Variants in EPHA6 observed in about 807,000 individuals in gnomAD.
The protein encoded by EPHA6 is EPH receptor A6, also known as ephrin type-A receptor 6.
EPHA6 carries 50 observed loss-of-function variants against 112.0 expected under a neutral mutation model. That is an observed-to-expected ratio of 0.45 (90% CI 0.36 to 0.56). The LOEUF (loss-of-function observed/expected upper bound fraction) is 0.56. Ranked by LOEUF, EPHA6 falls within the 20% of genes least tolerant of loss-of-function variation. The probability of loss-of-function intolerance (pLI) is 0.00; values close to 1 mark genes in which losing one functional copy is unlikely to be tolerated. For missense variants in EPHA6, 1,280 were observed against 1,417.4 expected (o/e 0.90, Z 1.56); for synonymous variants, 529 against 490.7 (o/e 1.08, Z -1.03).
rs1259934713 is a variant in EPHA6, at chr3:97,126,909, AAAG to A, written c.1115-99352_1115-99350del. Among the ~76,000 whole-genome samples the A allele has an allele frequency of 1.8e-4, 28 of 151,934 alleles. 1 individual carries two copies. The highest frequency in any genetic ancestry group is 3.4e-3 in the Middle Eastern group (1 of 294). On this transcript the variant is annotated intron_variant, in intron 3 of 17. Coordinates refer to ENST00000389672, the MANE Select transcript of EPHA6 (RefSeq NM_001080448.3). ...AAAGGGAGAAGGTGAAAAAAAAAAAAAAGAACACTTAGATCTAATTGAGAAACG... is the reference window on the plus strand; with the variant it reads ...AAAGGGAGAAGGTGAAAAAAAAAAAAAACACTTAGATCTAATTGAGAAACG...
At chr3:96,998,307 A>T (rs1286774412) in intron 3 of EPHA6, among the ~76,000 whole-genome samples, 1 of 151,952 alleles carries the variant, frequency 6.6e-6, no homozygotes, top group Non-Finnish European at 1.5e-5. Flanking sequence ...AAGTGAAATT[A>T]ATATGTATAT....
chr3:97,220,287 C>T (rs1050501826), intron 3 of EPHA6, among the ~76,000 whole-genome samples: 1 of 152,210 alleles, frequency 6.6e-6, no homozygotes, highest in African/African-American at 2.4e-5. Context: ...TTCCTGTCTT[C>T]TTCTGAGCCC....
chr3:96,940,786 C>T (rs1485185387), intron 2 of EPHA6, among the ~76,000 whole-genome samples: 1 of 152,128 alleles, frequency 6.6e-6, no homozygotes, highest in Non-Finnish European at 1.5e-5. Flanking sequence ...TCTTTTAGGG[C>T]AGGCCTGGTG....
At chr3:97,258,373 G>T (rs1363529099) in intron 5 of EPHA6, among the ~76,000 whole-genome samples, 1 of 151,936 alleles carries the variant, frequency 6.6e-6, no homozygotes, top group Non-Finnish European at 1.5e-5. Flanking sequence ...TTGCCCCTTG[G>T]TGGTAAAGTG....
intron 3 of EPHA6, among the ~76,000 whole-genome samples, chr3:97,078,887 A>T (rs2046625429): frequency 6.6e-6 from 1 of 152,162 alleles, no homozygotes; most frequent in Non-Finnish European, 1.5e-5. Context: ...TGAAATGACA[A>T]CAAGGAGTTT....
At chr3:96,930,590 G>C (rs1013414414) in intron 2 of EPHA6, among the ~76,000 whole-genome samples, 8 of 152,116 alleles carry the variant, frequency 5.3e-5, no homozygotes, top group African/African-American at 1.9e-4. Context: ...TCCATCCCAG[G>C]GGAGTACTAA....
intron 7 of EPHA6, among the ~76,000 whole-genome samples, chr3:97,470,571 C>A (rs1000191188): frequency 2.0e-5 from 3 of 151,602 alleles, no homozygotes; most frequent in Non-Finnish European, 4.4e-5. Context: ...GAAGAAAATT[C>A]TTTGGTTAAA....
At chr3:97,720,477 T>G (rs1576349798) in intron 15 of EPHA6, 67 bp downstream of exon 15, 1 of 1,421,940 alleles carries the variant, frequency 7.0e-7, no homozygotes, top group East Asian at 2.5e-5. Flanking sequence ...GGGGGAATTA[T>G]GCCTTTTGTC....
chr3:97,669,998 G>A (rs1171768230), intron 14 of EPHA6, among the ~76,000 whole-genome samples: 2 of 152,000 alleles, frequency 1.3e-5, no homozygotes, highest in East Asian at 1.9e-4. Context: ...TTGATGAAAG[G>A]CCCAGATCAG....
chr3:97,287,842 T>G (rs138513285), intron 5 of EPHA6, among the ~76,000 whole-genome samples: 83 of 152,240 alleles, frequency 5.5e-4, no homozygotes, highest in Non-Finnish European at 9.6e-4. Flanking sequence ...GCATCTATGT[T>G]CATCAGGAAT....
intron 3 of EPHA6, among the ~76,000 whole-genome samples, chr3:97,184,492 C>A (rs961468329): frequency 6.6e-5 from 10 of 152,064 alleles, no homozygotes; most frequent in African/African-American, 2.4e-4. Context: ...AAATACCTGG[C>A]AATCCAACTT....
intron 9 of EPHA6, among the ~76,000 whole-genome samples, 189 bp from the exon 10 acceptor site, chr3:97,483,745 A>G (rs565400767): frequency 6.6e-6 from 1 of 152,324 alleles, no homozygotes; most frequent in Admixed American, 6.5e-5. Flanking sequence ...ATTCTACATT[A>G]ACAGTGAGGT....
At chr3:97,214,616 A>G (rs1027273362) in intron 3 of EPHA6, among the ~76,000 whole-genome samples, 5 of 151,696 alleles carry the variant, frequency 3.3e-5, no homozygotes, top group African/African-American at 1.2e-4. Context: ...TTTCATTGTT[A>G]TTTTAAGCAA....
chr3:96,950,164 TCTTTCC>T lies in EPHA6; in HGVS notation c.451-37164_451-37159del, dbSNP rs1459133013. ...GTCACTTTCCCAGCTTCATATTTCA[TCTTTCC>T]CCATTAGTCTAATGTTCCAACCACA... On this transcript the variant is annotated intron_variant, in intron 2 of 17. Coordinates refer to ENST00000389672, the MANE Select transcript of EPHA6 (RefSeq NM_001080448.3). 8.2e-4 allele frequency among the ~76,000 whole-genome samples: 125 copies of T among 152,262 alleles called. 1 individual carries two copies. Among genetic ancestry groups the T allele is most frequent in the African/African-American group, 2.9e-3 (119 of 41,574 alleles).
intron 2 of EPHA6, among the ~76,000 whole-genome samples, chr3:96,904,262 G>T (rs1270871312): frequency 1.3e-5 from 2 of 151,866 alleles, no homozygotes; most frequent in Non-Finnish European, 2.9e-5. Context: ...ATACACCATG[G>T]AATACTATGC....
intron 5 of EPHA6, among the ~76,000 whole-genome samples, chr3:97,362,739 A>G (rs2084443254): frequency 2.0e-5 from 3 of 152,022 alleles, no homozygotes; most frequent in African/African-American, 4.8e-5. Flanking sequence ...AACTTGAAGG[A>G]AAGTCTATTG....
intron 3 of EPHA6, among the ~76,000 whole-genome samples, chr3:97,050,352 A>G (rs2045645881): frequency 6.6e-6 from 1 of 152,206 alleles, no homozygotes. Context: ...TAATTCATCT[A>G]ACAATTAGCA....
At chr3:97,246,307 A>G (rs2078985464) in intron 5 of EPHA6, among the ~76,000 whole-genome samples, 1 of 151,948 alleles carries the variant, frequency 6.6e-6, no homozygotes, top group Non-Finnish European at 1.5e-5. Context: ...CACTTTAAAT[A>G]AAATAAATAT....
intron 3 of EPHA6, among the ~76,000 whole-genome samples, chr3:97,056,030 T>G (rs2045840480): frequency 6.6e-6 from 1 of 152,084 alleles, no homozygotes; most frequent in Non-Finnish European, 1.5e-5. Flanking sequence ...TTATTAAAAC[T>G]TTCTTCTGCA....
Sources: gnomAD v4.1 joint callset for allele counts (sites outside exome capture counted in the v4.1 genomes callset) on GRCh38, gnomAD v4.1.1 for gene constraint, MANE v1.5 for transcripts, NCBI Gene and HGNC (gene_info 2026-07-23, HGNC 2026-07-21) for gene names.